PRKAR1B: variants seen among roughly 807,000 people sequenced by gnomAD.
PRKAR1B encodes the protein cAMP-dependent protein kinase type I-beta regulatory subunit.
In PRKAR1B, 22 loss-of-function variants were observed where a neutral mutation model predicts 46.5. The observed-to-expected ratio is 0.47, with a 90% CI of 0.34 to 0.68. The LOEUF (loss-of-function observed/expected upper bound fraction) is 0.68, where lower values mean the gene tolerates loss of function less well. PRKAR1B is among the 30% of genes least tolerant of loss of function. PRKAR1B has a pLI of 0.01. For missense variants in PRKAR1B, 445 were observed against 535.6 expected (o/e 0.83, Z 1.67); for synonymous variants, 259 against 217.7 (o/e 1.19, Z -1.67).
chr7:723,496 G>C (rs1781144528), intron 1 of PRKAR1B, among the ~76,000 whole-genome samples: 1 of 152,180 alleles, frequency 6.6e-6, no homozygotes, highest in African/African-American at 2.4e-5. Flanking sequence ...CAACTCTCAA[G>C]CTCCTTTCCT....
intron 1 of PRKAR1B, among the ~76,000 whole-genome samples, chr7:724,365 C>T (rs921470469): frequency 2.6e-5 from 4 of 152,164 alleles, no homozygotes; most frequent in Admixed American, 2.6e-4. Flanking sequence ...TGTGCTGTTC[C>T]TATGATGGTG....
intron 4 of PRKAR1B, among the ~76,000 whole-genome samples, chr7:631,711 T>A (rs75241504): frequency 0.034 from 5,180 of 152,018 alleles, 221 homozygotes; most frequent in African/African-American, 0.098. Context: ...CCCCGCACTT[T>A]GGGAGTCCGA....
intron 4 of PRKAR1B, among the ~76,000 whole-genome samples, chr7:673,044 T>C (rs1253237312): frequency 6.5e-5 from 1 of 15,468 alleles, no homozygotes; most frequent in Non-Finnish European, 1.3e-4. Flanking sequence ...GGCCTTGTCT[T>C]TAAAAAAAAA....
intron 4 of PRKAR1B, among the ~76,000 whole-genome samples, chr7:640,158 G>A (rs1480505660): frequency 4.0e-5 from 6 of 148,452 alleles, no homozygotes; most frequent in African/African-American, 7.5e-5. Context: ...GCGAGACTCC[G>A]TCTCGAAAAA....
At chr7:668,544 A>G (rs78103784) in intron 4 of PRKAR1B, among the ~76,000 whole-genome samples, 8,743 of 152,232 alleles carry the variant, frequency 0.057, 750 homozygotes, top group African/African-American at 0.19. Context: ...CCTGTGCAAA[A>G]GCTTCCTTTT....
chr7:655,437 C>T (rs933423252), intron 4 of PRKAR1B, among the ~76,000 whole-genome samples: 1 of 152,202 alleles, frequency 6.6e-6, no homozygotes, highest in African/African-American at 2.4e-5. Flanking sequence ...TCCTGGTTCA[C>T]TTCCTCTTTC....
intron 2 of PRKAR1B, among the ~76,000 whole-genome samples, chr7:686,287 C>T (rs1019605639): frequency 1.0e-4 from 15 of 147,584 alleles, no homozygotes; most frequent in East Asian, 3.9e-4. Context: ...GGCGACAGAG[C>T]GAGATTATGT....
At chr7:561,148 C>T (rs1778768885) in intron 9 of PRKAR1B, among the ~76,000 whole-genome samples, 1 of 149,624 alleles carries the variant, frequency 6.7e-6, no homozygotes, top group African/African-American at 2.5e-5. Context: ...CACACACACA[C>T]ACCTGTGCAC....
chr7:666,054 G>A lies in PRKAR1B; in HGVS notation c.440+11175C>T, dbSNP rs550404625. On this transcript the variant is annotated intron_variant, in intron 4 of 10. Coordinates refer to ENST00000537384, the MANE Select transcript of PRKAR1B (RefSeq NM_001164760.2). This position sits in a 1 kb window ranked among gnomAD's most constrained non-coding sequence, Gnocchi z 4.9. ...TGGCAGCTCCAGTAATGAGGTCCCC[G>A]CCGGAGGCCCAACGCACAACACAAA... Among the ~76,000 whole-genome samples the A allele has an allele frequency of 3.0e-4, 45 of 152,286 alleles. 1 individual carries two copies. Among genetic ancestry groups the A allele is most frequent in the African/African-American group, 7.0e-4 (29 of 41,564 alleles).
In PRKAR1B at chr7:644,589, G is replaced by C. The variant is rs1431391093; in HGVS notation, c.440+32640C>G. ...AGGGGGCACCAGTCTGGCCATGCGA[G>C]TGCCCACAACTGGAAGGAAGCAATG... On this transcript the variant is annotated intron_variant, in intron 4 of 10. Coordinates refer to ENST00000537384, the MANE Select transcript of PRKAR1B (RefSeq NM_001164760.2). This position sits in a 1 kb window ranked among gnomAD's most constrained non-coding sequence, Gnocchi z 4.9. Among the ~76,000 whole-genome samples the C allele has an allele frequency of 6.6e-6, 1 of 152,184 alleles. No individual in the cohort carries two copies. The highest frequency in any genetic ancestry group is 2.4e-5 in the African/African-American group (1 of 41,444).
intron 9 of PRKAR1B, among the ~76,000 whole-genome samples, chr7:554,744 C>T (rs921027508): frequency 3.4e-4 from 51 of 151,526 alleles, no homozygotes; most frequent in Non-Finnish European, 4.3e-4. Flanking sequence ...GGGGAGGCCA[C>T]GGATCCCACA....
intron 1 of PRKAR1B, among the ~76,000 whole-genome samples, chr7:719,541 C>G (rs1781001099): frequency 6.6e-6 from 1 of 152,170 alleles, no homozygotes; most frequent in Non-Finnish European, 1.5e-5. Flanking sequence ...ACGTGAATGC[C>G]TGGCCTCAAG....
intron 4 of PRKAR1B, among the ~76,000 whole-genome samples, chr7:635,653 G>A (rs954272491): frequency 6.6e-6 from 1 of 152,134 alleles, no homozygotes; most frequent in Non-Finnish European, 1.5e-5. Flanking sequence ...AACAGCTTAG[G>A]AAAAAGGGCT....
chr7:605,379 C>T lies in PRKAR1B; in HGVS notation c.549+814G>A, dbSNP rs1781962422. ...GGCGGCCTGCAGAACAGGAGCCCAG[C>T]GGGGGATGAGGGGGCCTCAAAGCCT... On this transcript the variant is annotated intron_variant, in intron 6 of 10. Coordinates refer to ENST00000537384, the MANE Select transcript of PRKAR1B (RefSeq NM_001164760.2). Among the ~76,000 whole-genome samples, 3 of 152,186 alleles carry T rather than the reference C, an allele frequency of 2.0e-5. No individual in the cohort carries two copies. In the South Asian group the frequency reaches 6.2e-4, roughly 31 times the overall value.
chr7:579,604 T>C (rs2128442848), intron 8 of PRKAR1B, among the ~76,000 whole-genome samples: 1 of 152,350 alleles, frequency 6.6e-6, no homozygotes, highest in African/African-American at 2.4e-5. Context: ...CGCATGCAGC[T>C]CATGTGCCCT....
intron 7 of PRKAR1B, among the ~76,000 whole-genome samples, chr7:588,473 GAT>G (rs1780731262): frequency 6.6e-6 from 1 of 151,892 alleles, no homozygotes; most frequent in African/African-American, 2.4e-5. Context: ...TGGTGATGGT[GAT>G]GGTGGTGATG....
At chr7:628,910 G>A (rs149614082) in intron 4 of PRKAR1B, among the ~76,000 whole-genome samples, 2,400 of 152,210 alleles carry the variant, frequency 0.016, 28 homozygotes, top group Non-Finnish European at 0.023. Context: ...GTCGGGGACG[G>A]GGTGGAGGTG....
intron 2 of PRKAR1B, among the ~76,000 whole-genome samples, chr7:682,793 C>T (rs1778767310): frequency 6.6e-6 from 1 of 152,048 alleles, no homozygotes; most frequent in African/African-American, 2.4e-5. Flanking sequence ...CCTGTCCTAA[C>T]AGATATGAAT....
intron 4 of PRKAR1B, among the ~76,000 whole-genome samples, chr7:631,719 C>T (rs781512737): frequency 8.6e-5 from 13 of 151,994 alleles, no homozygotes; most frequent in Non-Finnish European, 1.5e-4. Flanking sequence ...TTTGGGAGTC[C>T]GAGGAGAGGT....
Sources: allele counts gnomAD v4.1 joint callset (sites outside exome capture counted in the v4.1 genomes callset), GRCh38; gene constraint gnomAD v4.1.1; non-coding constraint Gnocchi (gnomAD v3.1); transcripts MANE v1.5; gene names NCBI Gene and HGNC (gene_info 2026-07-23, HGNC 2026-07-21).